Variants in ESRRG observed in about 807,000 individuals in gnomAD.
ESRRG encodes the protein estrogen related receptor gamma, also known as estrogen-related receptor gamma.
ESRRG carries 13 observed loss-of-function variants against 44.0 expected under a neutral mutation model. That is an observed-to-expected ratio of 0.30 (90% confidence interval 0.19 to 0.47). The LOEUF (loss-of-function observed/expected upper bound fraction) is 0.47, where lower values mean the gene tolerates loss of function less well. ESRRG is among the 20% of genes least tolerant of loss of function. The probability of loss-of-function intolerance (pLI) is 1.00; values close to 1 mark genes in which losing one functional copy is unlikely to be tolerated. For synonymous variants in ESRRG, 215 were observed against 214.6 expected, an observed-to-expected ratio of 1.00 and a Z score of -0.02; for missense variants, 395 against 580.6, an observed-to-expected ratio of 0.68 and a Z score of 3.29.
intron 2 of ESRRG, among the ~76,000 whole-genome samples, chr1:216,731,815 T>C (rs2088837452): frequency 6.6e-6 from 1 of 152,220 alleles, no homozygotes; most frequent in African/African-American, 2.4e-5. Flanking sequence ...TGTAACTAAG[T>C]GCACAGCTAT....
At chr1:216,614,292 A>G (rs1242605614) in intron 3 of ESRRG, among the ~76,000 whole-genome samples, 2 of 151,964 alleles carry the variant, frequency 1.3e-5, no homozygotes, top group Non-Finnish European at 2.9e-5. Context: ...GCAAGGCTAC[A>G]ATCTGTCAAA....
At chr1:216,536,309 A>C (rs2050954516) in intron 5 of ESRRG, among the ~76,000 whole-genome samples, 1 of 152,098 alleles carries the variant, frequency 6.6e-6, no homozygotes, top group Non-Finnish European at 1.5e-5. Context: ...TTGGCAACTC[A>C]TATCAAAATG....
chr1:216,654,733 A>G (rs1024924866), intron 2 of ESRRG, among the ~76,000 whole-genome samples: 1 of 152,174 alleles, frequency 6.6e-6, no homozygotes, highest in African/African-American at 2.4e-5. Flanking sequence ...TATGAAAAAA[A>G]TACAAAAGCT....
At chr1:216,840,448 T>C (rs2095634410) in intron 2 of ESRRG, among the ~76,000 whole-genome samples, 1 of 152,184 alleles carries the variant, frequency 6.6e-6, no homozygotes, top group Non-Finnish European at 1.5e-5. Context: ...TTTCTCCATA[T>C]CACTAATGAG....
chr1:217,098,673 T>G (rs2092460430), intron 1 of ESRRG, among the ~76,000 whole-genome samples: 1 of 152,208 alleles, frequency 6.6e-6, no homozygotes, highest in Non-Finnish European at 1.5e-5. Flanking sequence ...TACTGCTCAT[T>G]ATGTTTTGAG....
At chr1:216,510,120 T>TA (rs2042281900) in intron 6 of ESRRG, among the ~76,000 whole-genome samples, 2 of 152,134 alleles carry the variant, frequency 1.3e-5, no homozygotes, top group African/African-American at 4.8e-5. Context: ...AGGCTACATA[T>TA]TAAAAACAAT....
At chr1:216,521,218 A>G (rs1179149455) in intron 5 of ESRRG, among the ~76,000 whole-genome samples, 1 of 152,160 alleles carries the variant, frequency 6.6e-6, no homozygotes, top group African/African-American at 2.4e-5. Flanking sequence ...TAGAGATATA[A>G]TAGCTGATAA....
chr1:216,546,829 A>G (rs2149335803), intron 5 of ESRRG, among the ~76,000 whole-genome samples: 1 of 146,534 alleles, frequency 6.8e-6, no homozygotes, highest in African/African-American at 2.5e-5. Flanking sequence ...ATATATATAT[A>G]TGTTCTGGGA....
At chr1:216,532,942 G>A (rs2049835962) in intron 5 of ESRRG, among the ~76,000 whole-genome samples, 2 of 152,112 alleles carry the variant, frequency 1.3e-5, no homozygotes, top group Non-Finnish European at 2.9e-5. Flanking sequence ...TACCATTGAT[G>A]ATGTTTCCTG....
intron 3 of ESRRG, among the ~76,000 whole-genome samples, chr1:216,570,136 C>T (rs2060515900): frequency 6.6e-6 from 1 of 152,138 alleles, no homozygotes; most frequent in Admixed American, 6.5e-5. Context: ...TAGGAGAACA[C>T]ACAAATACTT....
At chr1:216,968,614 AC>A (rs2070941372) in intron 1 of ESRRG, among the ~76,000 whole-genome samples, 1 of 151,734 alleles carries the variant, frequency 6.6e-6, no homozygotes, top group African/African-American at 2.4e-5. Flanking sequence ...TTTTGCCAAT[AC>A]CACACTGTCT....
chr1:216,755,834 C>T (rs894830102), intron 2 of ESRRG, among the ~76,000 whole-genome samples: 1 of 152,020 alleles, frequency 6.6e-6, no homozygotes, highest in East Asian at 1.9e-4. Flanking sequence ...TCAACTTCTT[C>T]TATTCCAGGG....
At chr1:216,598,324 T>C (rs2058725784) in intron 3 of ESRRG, among the ~76,000 whole-genome samples, 1 of 152,230 alleles carries the variant, frequency 6.6e-6, no homozygotes, top group Non-Finnish European at 1.5e-5. Context: ...CTGAGTGGAC[T>C]GTGGCTGCTA....
At chr1:216,790,994 G>A (rs2094302280) in intron 2 of ESRRG, among the ~76,000 whole-genome samples, 1 of 152,130 alleles carries the variant, frequency 6.6e-6, no homozygotes, top group South Asian at 2.1e-4. Flanking sequence ...AAAATGAAAT[G>A]CTTATTTCAA....
At chr1:216,676,199 C>A (rs1347224192) in intron 2 of ESRRG, among the ~76,000 whole-genome samples, 1 of 152,062 alleles carries the variant, frequency 6.6e-6, no homozygotes, top group Non-Finnish European at 1.5e-5. Context: ...ATATCTATAG[C>A]TTTTTCATGA....
chr1:217,033,858 G>A (rs569958211), intron 1 of ESRRG, among the ~76,000 whole-genome samples: 1 of 152,304 alleles, frequency 6.6e-6, no homozygotes, highest in Admixed American at 6.5e-5. Flanking sequence ...AGGAAACACT[G>A]TTATTTCACA....
At chr1:217,072,244 G>GT (rs1373901260) in intron 1 of ESRRG, among the ~76,000 whole-genome samples, 2 of 152,026 alleles carry the variant, frequency 1.3e-5, no homozygotes, top group African/African-American at 4.8e-5. Flanking sequence ...CACCACCATC[G>GT]TATTATTATA....
At chr1:216,620,249 C>T (rs567202117) in intron 3 of ESRRG, among the ~76,000 whole-genome samples, 3 of 152,208 alleles carry the variant, frequency 2.0e-5, no homozygotes, top group Middle Eastern at 3.4e-3. Flanking sequence ...GGTTAAAAAT[C>T]GTATCTAATT....
At chr1:216,582,990 C>T (rs1404051428) in intron 3 of ESRRG, among the ~76,000 whole-genome samples, 1 of 151,076 alleles carries the variant, frequency 6.6e-6, no homozygotes, top group Non-Finnish European at 1.5e-5. Flanking sequence ...CCAGGAAAGA[C>T]TTCATGAGAA....
Sources: gnomAD v4.1 joint callset for allele counts (sites outside exome capture counted in the v4.1 genomes callset) on GRCh38, gnomAD v4.1.1 for gene constraint, MANE v1.5 for transcripts, NCBI Gene and HGNC (gene_info 2026-07-23, HGNC 2026-07-21) for gene names.